The following FAM149B1 variants were observed in gnomAD, a reference collection of about 807,000 sequenced individuals.
The protein encoded by FAM149B1 is primary cilium assembly protein FAM149B1.
A neutral mutation model predicts 75.3 loss-of-function variants in FAM149B1; 56 were observed. The observed-to-expected ratio is 0.74, with a 90% confidence interval of 0.60 to 0.93. The LOEUF (loss-of-function observed/expected upper bound fraction) is 0.93. Ranked by LOEUF, FAM149B1 falls within the 40% of genes least tolerant of loss-of-function variation. The pLI, the probability that FAM149B1 is intolerant of heterozygous loss-of-function variation, is 0.00. For synonymous variants in FAM149B1, 259 were observed against 256.1 expected (o/e 1.01, Z -0.11); for missense variants, 639 against 708.4 (o/e 0.90, Z 1.11).
chr10:73,219,360 C>G (rs980605902), intron 7 of FAM149B1, among the ~76,000 whole-genome samples: 2 of 152,024 alleles, frequency 1.3e-5, no homozygotes, highest in Non-Finnish European at 2.9e-5. Flanking sequence ...CAGTACAATC[C>G]CTATCAAAAT....
rs771431510 is a variant in FAM149B1 at position 73,243,812 on chromosome 10, TAA to T, written c.*2795_*2796del. The stretch of plus-strand genomic sequence containing the variant: ...ATATTAGCAGTAGGAATCAGATCAT[TAA>T]AGATGTGGCAACAAACTGCCAAGTT... On this transcript the variant is annotated 3_prime_UTR_variant, in exon 14 of 14. Transcript: ENST00000242505. 2.0e-4 allele frequency: 310 copies of T among 1,579,978 alleles called. No individual in the cohort carries two copies. Among genetic ancestry groups the T allele is most frequent in the Non-Finnish European group, 1.5e-4 (172 of 1,154,242 alleles).
chr10:73,200,479 G>A, intron 5 of FAM149B1: 1 of 614,506 alleles, frequency 1.6e-6, no homozygotes, highest in Non-Finnish European at 3.1e-6. Context: ...ACATATTGTT[G>A]GTACACCAGG....
At chr10:73,230,664 A>G in intron 9 of FAM149B1, 139 bp downstream of exon 9, 1 of 597,532 alleles carries the variant, frequency 1.7e-6, no homozygotes, top group Non-Finnish European at 3.0e-6. Context: ...TCCAAGGGAC[A>G]TGGTCTCCAC....
Position 73,235,276 on chromosome 10 carries a change from G to A in FAM149B1, c.1560G>A (p.Leu520=). The part of the protein sequence containing the change: ...NYQQPQERLL[L]PDFFPRPNTT... Reference sequence around the variant, plus strand: ...AGCAGCCACAAGAAAGGCTCCTTTTGCCCGACTTTTTCCCCAGGCCCAACA... The same window carrying A: ...AGCAGCCACAAGAAAGGCTCCTTTTACCCGACTTTTTCCCCAGGCCCAACA... Residue 520 remains leucine (L), a synonymous_variant, in exon 12 of 14, where the codon TTG becomes TTA. Transcript: ENST00000242505. 1.3e-6 allele frequency: 2 copies of A among 1,552,052 alleles called. No individual in the cohort carries two copies. Among genetic ancestry groups the A allele is most frequent in the Non-Finnish European group, 1.7e-6 (2 of 1,147,008 alleles).
intron 5 of FAM149B1, among the ~76,000 whole-genome samples, chr10:73,203,594 G>T (rs2042987113): frequency 6.6e-6 from 1 of 151,564 alleles, no homozygotes; most frequent in Non-Finnish European, 1.5e-5. Context: ...TTTTGAAACA[G>T]TTGGGCTAGT....
chr10:73,229,045 T>C (rs1356272377), intron 8 of FAM149B1, among the ~76,000 whole-genome samples: 2 of 152,156 alleles, frequency 1.3e-5, no homozygotes, highest in Non-Finnish European at 2.9e-5. Flanking sequence ...ATCTGTTAAC[T>C]TTTTTGCCTT....
chr10:73,181,182 A>AT (rs1376088517), intron 3 of FAM149B1, among the ~76,000 whole-genome samples: 3 of 150,864 alleles, frequency 2.0e-5, no homozygotes, highest in Admixed American at 2.0e-4. Context: ...AATTTTTTGT[A>AT]TTTTTTTTAG....
intron 9 of FAM149B1, among the ~76,000 whole-genome samples, chr10:73,231,592 G>GCACT (rs1384402576): frequency 5.9e-5 from 9 of 152,300 alleles, no homozygotes; most frequent in Non-Finnish European, 1.5e-5. Flanking sequence ...CTAAGGGTCT[G>GCACT]CACTCAAGCG....
intron 9 of FAM149B1, chr10:73,231,300 A>G (rs1022992397): frequency 1.3e-5 from 2 of 152,260 alleles, no homozygotes; most frequent in East Asian, 3.9e-4. Context: ...ATATTCTTGT[A>G]TAGGTCTTTT....
At chr10:73,223,672 C>T (rs2043469497) in intron 7 of FAM149B1, among the ~76,000 whole-genome samples, 1 of 151,474 alleles carries the variant, frequency 6.6e-6, no homozygotes, top group African/African-American at 2.4e-5. Context: ...ATTTGCCACA[C>T]TTGATGTGTG....
intron 5 of FAM149B1, among the ~76,000 whole-genome samples, chr10:73,206,802 C>G (rs1477658364): frequency 2.0e-5 from 3 of 152,192 alleles, no homozygotes; most frequent in Non-Finnish European, 4.4e-5. Flanking sequence ...ATAATCCCAG[C>G]TACTTGGGAG....
chr10:73,212,865 TTCTC>T (rs57783137), intron 7 of FAM149B1, among the ~76,000 whole-genome samples: 1 of 150,788 alleles, frequency 6.6e-6, no homozygotes, highest in African/African-American at 2.4e-5. Flanking sequence ...CTCTCTGTGT[TTCTC>T]TCTCTCTCTG....
intron 7 of FAM149B1, among the ~76,000 whole-genome samples, chr10:73,212,689 C>T (rs1344801880): frequency 6.6e-6 from 1 of 152,080 alleles, no homozygotes; most frequent in Non-Finnish European, 1.5e-5. Context: ...ATGCTTTTTT[C>T]CATAAAGGCT....
At chr10:73,189,688 C>G (rs1242442447) in intron 3 of FAM149B1, among the ~76,000 whole-genome samples, 1 of 152,138 alleles carries the variant, frequency 6.6e-6, no homozygotes, top group Admixed American at 6.5e-5. Flanking sequence ...AGTTCTAGAC[C>G]AGACAAAAGT....
chr10:73,239,912 A>C (rs567383250), intron 13 of FAM149B1, among the ~76,000 whole-genome samples: 4 of 152,346 alleles, frequency 2.6e-5, no homozygotes, highest in East Asian at 3.9e-4. Context: ...CTAACAAAGA[A>C]GTGATGGGAG....
intron 5 of FAM149B1, among the ~76,000 whole-genome samples, chr10:73,206,798 C>T (rs2043070229): frequency 6.6e-6 from 1 of 152,126 alleles, no homozygotes; most frequent in South Asian, 2.1e-4. Context: ...GCCTATAATC[C>T]CAGCTACTTG....
At chr10:73,211,963 C>A (rs978435219) in intron 7 of FAM149B1, among the ~76,000 whole-genome samples, 3 of 152,102 alleles carry the variant, frequency 2.0e-5, no homozygotes, top group Non-Finnish European at 2.9e-5. Flanking sequence ...TCCCACCTTT[C>A]GGAGTCTCCA....
intron 1 of FAM149B1, among the ~76,000 whole-genome samples, chr10:73,170,110 G>A (rs905225667): frequency 2.0e-5 from 3 of 151,840 alleles, no homozygotes; most frequent in South Asian, 2.1e-4. Flanking sequence ...ATCATTCTTG[G>A]GTTTCTGGCT....
rs546943622 is a variant in FAM149B1, at chr10:73,199,328, C to T, written c.542+5735C>T. Among the ~76,000 whole-genome samples, 4 of 152,194 alleles carry T rather than the reference C, an allele frequency of 2.6e-5. No homozygotes were observed. The South Asian group carries it at 8.3e-4, about 32-fold the overall frequency. ...CGCCCCCCAGGTTCATGCCATTCTC[C>T]TGCCTCAGCCTCCCGAGTAGCTGGG... is the stretch of plus-strand genomic sequence containing the variant. On this transcript the variant is annotated intron_variant, in intron 5 of 13. Coordinates refer to ENST00000242505, the MANE Select transcript of FAM149B1 (RefSeq NM_173348.2).
Sources: gnomAD v4.1 joint callset for allele counts (sites outside exome capture counted in the v4.1 genomes callset) on GRCh38, gnomAD v4.1.1 for gene constraint, MANE v1.5 for transcripts, NCBI Gene and HGNC (gene_info 2026-07-23, HGNC 2026-07-21) for gene names.